Variants in CNTNAP2 observed in about 807,000 individuals in gnomAD.
CNTNAP2 encodes contactin associated protein 2.
CNTNAP2 carries 98 observed loss-of-function variants against 155.2 expected under a neutral mutation model. That is an observed-to-expected ratio of 0.63 (90% CI 0.54 to 0.75). CNTNAP2 has a LOEUF of 0.75. Among genes scored for constraint, CNTNAP2 ranks in the 30% least tolerant of loss-of-function variants. CNTNAP2 has a pLI of 0.00. For missense variants in CNTNAP2, 1,727 were observed against 1,688.1 expected (o/e 1.02, Z -0.40); for synonymous variants, 651 against 631.2 (o/e 1.03, Z -0.47).
chr7:148,043,547 G>C (rs772083371), intron 15 of CNTNAP2, among the ~76,000 whole-genome samples: 3 of 152,136 alleles, frequency 2.0e-5, no homozygotes, highest in Non-Finnish European at 2.9e-5. Flanking sequence ...TCTTACAAAG[G>C]ATAAGAAATC....
chr7:148,338,568 G>A (rs1043754700), intron 21 of CNTNAP2, among the ~76,000 whole-genome samples: 1 of 152,052 alleles, frequency 6.6e-6, no homozygotes, highest in Admixed American at 6.5e-5. Flanking sequence ...GTGAGGGGGG[G>A]GTGAGTTACT....
chr7:146,520,724 C>T (rs779389664), intron 1 of CNTNAP2, among the ~76,000 whole-genome samples: 2 of 151,724 alleles, frequency 1.3e-5, no homozygotes, highest in Non-Finnish European at 2.9e-5. Flanking sequence ...TATAATCTAA[C>T]AAACTATGAA....
intron 1 of CNTNAP2, among the ~76,000 whole-genome samples, chr7:146,674,040 G>T (rs894728153): frequency 1.3e-5 from 2 of 152,132 alleles, no homozygotes; most frequent in Non-Finnish European, 2.9e-5. Flanking sequence ...TTCATTCCCT[G>T]ATATTTAGCA....
At chr7:148,211,311 C>A (rs550442467) in intron 18 of CNTNAP2, among the ~76,000 whole-genome samples, 1 of 152,148 alleles carries the variant, frequency 6.6e-6, no homozygotes, top group East Asian at 1.9e-4. Flanking sequence ...GGTAGGAGAG[C>A]GCATTGGGCG....
intron 3 of CNTNAP2, among the ~76,000 whole-genome samples, chr7:146,993,217 C>T (rs1401422553): frequency 6.6e-6 from 1 of 152,120 alleles, no homozygotes; most frequent in African/African-American, 2.4e-5. Flanking sequence ...TTGGGGTTGG[C>T]ATATTTCTAG....
At chr7:146,254,838 T>A (rs540570596) in intron 1 of CNTNAP2, among the ~76,000 whole-genome samples, 1 of 152,182 alleles carries the variant, frequency 6.6e-6, no homozygotes, top group East Asian at 1.9e-4. Context: ...CTGTAATCAC[T>A]GAAGGTAGGA....
intron 1 of CNTNAP2, among the ~76,000 whole-genome samples, chr7:146,445,594 G>GGT (rs985598522): frequency 1.2e-4 from 18 of 151,964 alleles, no homozygotes; most frequent in Non-Finnish European, 2.4e-4. Flanking sequence ...CTGAAGAGAG[G>GGT]GTGTGTGTGT....
intron 9 of CNTNAP2, among the ~76,000 whole-genome samples, chr7:147,319,629 CG>C (rs1212504543): frequency 5.3e-5 from 8 of 152,140 alleles, no homozygotes; most frequent in African/African-American, 1.9e-4. Flanking sequence ...TTGCCCACCT[CG>C]GCCTCCCAAA....
At chr7:146,797,979 A>T (rs1333328273) in intron 2 of CNTNAP2, among the ~76,000 whole-genome samples, 2 of 151,736 alleles carry the variant, frequency 1.3e-5, no homozygotes, top group Non-Finnish European at 2.9e-5. Context: ...ATGACAATTA[A>T]GTTGATATTT....
chr7:146,817,112 A>G (rs777656057), intron 2 of CNTNAP2, among the ~76,000 whole-genome samples: 1 of 152,178 alleles, frequency 6.6e-6, no homozygotes, highest in Non-Finnish European at 1.5e-5. Context: ...AGTATAGAAT[A>G]GAAAGGAAAA....
intron 9 of CNTNAP2, among the ~76,000 whole-genome samples, chr7:147,328,569 A>G (rs1482508591): frequency 6.6e-6 from 1 of 152,216 alleles, no homozygotes. Flanking sequence ...CTCTGGAAAT[A>G]TTATAAAATT....
At chr7:147,672,491 G>A (rs1309887419) in intron 13 of CNTNAP2, 1 of 152,144 alleles carries the variant, frequency 6.6e-6, no homozygotes, top group African/African-American at 2.4e-5. Context: ...TCTTTCAAAA[G>A]TGGAATCCAG....
intron 1 of CNTNAP2, among the ~76,000 whole-genome samples, chr7:146,486,046 CTTTTTTTTTTTTTTTTTTTTTT>C (rs71175651): frequency 4.7e-5 from 2 of 42,572 alleles, no homozygotes; most frequent in Non-Finnish European, 8.7e-5. Flanking sequence ...CCACAGCAGT[CTTTTTTTTTTTTTTTTTTTTTT>C]TTTTTTTTTT....
intron 11 of CNTNAP2, among the ~76,000 whole-genome samples, chr7:147,519,296 C>T (rs1023081093): frequency 6.6e-6 from 1 of 152,132 alleles, no homozygotes; most frequent in Admixed American, 6.5e-5. Flanking sequence ...CCAGCGATGA[C>T]TGATGTAATC....
At chr7:147,547,630 A>AAAACACAC (rs60231636) in intron 11 of CNTNAP2, among the ~76,000 whole-genome samples, 6 of 115,970 alleles carry the variant, frequency 5.2e-5, no homozygotes, top group Admixed American at 1.8e-4. Flanking sequence ...ATTTCTTCTA[A>AAAACACAC]ACACACACAC....
At chr7:147,298,179 A>G (rs905916133) in intron 8 of CNTNAP2, among the ~76,000 whole-genome samples, 9 of 152,162 alleles carry the variant, frequency 5.9e-5, no homozygotes, top group Non-Finnish European at 1.3e-4. Flanking sequence ...CTGTAATCCC[A>G]GCACTTTGGG....
intron 1 of CNTNAP2, among the ~76,000 whole-genome samples, chr7:146,393,149 G>T (rs1258467877): frequency 1.3e-5 from 2 of 152,146 alleles, no homozygotes; most frequent in African/African-American, 4.8e-5. Context: ...AATGGTTTAT[G>T]TCAAATACTT....
chr7:147,884,824 A>G (rs1298438945), intron 13 of CNTNAP2, among the ~76,000 whole-genome samples: 1 of 152,106 alleles, frequency 6.6e-6, no homozygotes, highest in Non-Finnish European at 1.5e-5. Flanking sequence ...CCATCGAGAA[A>G]GGCTTTAGCA....
rs74633814 is a variant in CNTNAP2 at position 146,259,950 on chromosome 7, T to A, written c.97+142977T>A. Among the ~76,000 whole-genome samples, 1,428 of 152,274 alleles carry A rather than the reference T, an allele frequency of 9.4e-3. 8 individuals are homozygous for A. The highest frequency in any genetic ancestry group is 0.018 in the South Asian group (87 of 4,828). On this transcript the variant is annotated intron_variant, in intron 1 of 23. Transcript: ENST00000361727. ...AGCCCCTCCCATCACAGACCTGTAG[T>A]CCTAGGAGGGAAAAATAGTTTCCTG...
Sources: gnomAD v4.1 joint callset for allele counts (sites outside exome capture counted in the v4.1 genomes callset) on GRCh38, gnomAD v4.1.1 for gene constraint, MANE v1.5 for transcripts, NCBI Gene and HGNC (gene_info 2026-07-23, HGNC 2026-07-21) for gene names.